The following PCDH11X variants were observed in gnomAD, a reference collection of about 807,000 sequenced individuals.
The protein encoded by PCDH11X is protocadherin-11 X-linked.
In PCDH11X, 18 loss-of-function variants were observed where a neutral mutation model predicts 53.3. That is an observed-to-expected ratio of 0.34 (90% confidence interval 0.23 to 0.50). The LOEUF (loss-of-function observed/expected upper bound fraction) is 0.50. Among genes scored for constraint, PCDH11X ranks in the 20% least tolerant of loss-of-function variants. The pLI is 0.98. For synonymous variants in PCDH11X, 279 were observed against 393.3 expected, an observed-to-expected ratio of 0.71 and a Z score of 3.44; for missense variants, 570 against 1,032.4, an observed-to-expected ratio of 0.55 and a Z score of 6.14.
At chrX:92,006,632 G>C (rs1366552193) in intron 6 of PCDH11X, among the ~76,000 whole-genome samples, 9 of 110,164 alleles carry the variant, frequency 8.2e-5, no homozygotes, top group African/African-American at 2.6e-4. Flanking sequence ...GAGTTCATTT[G>C]GTGAGGTCAT....
At chrX:91,880,387 G>A (rs1389413417) in intron 6 of PCDH11X, among the ~76,000 whole-genome samples, 1 of 110,954 alleles carries the variant, frequency 9.0e-6, no homozygotes, top group African/African-American at 3.3e-5. Context: ...CAAAATAGTA[G>A]CAATGTGAAA....
chrX:92,303,468 G>A (rs1358937084), intron 8 of PCDH11X, among the ~76,000 whole-genome samples: 1 of 111,131 alleles, frequency 9.0e-6, no homozygotes, highest in African/African-American at 3.3e-5. Context: ...TTCATGTAGG[G>A]TCCTAGAGAA....
intron 10 of PCDH11X, among the ~76,000 whole-genome samples, chrX:92,542,827 T>A (rs1207614020): frequency 9.0e-6 from 1 of 111,371 alleles, no homozygotes; most frequent in Non-Finnish European, 1.9e-5. Flanking sequence ...AGGTTTAATA[T>A]AAAGAATACA....
At position 92,046,366 on chromosome X, in the gene PCDH11X, TAGG is replaced by T. The variant is rs1176922255; in HGVS notation, c.3034-155006_3034-155004del. On this transcript the variant is annotated intron_variant, in intron 6 of 10. Coordinates refer to ENST00000682573, the MANE Select transcript of PCDH11X (RefSeq NM_032968.5). ...TTGGTAATAGACTGTCTATGAAAAA[TAGG>T]AGTATTATCACTGTGGCTTTAATAT... is the stretch of plus-strand genomic sequence containing the variant. Among the ~76,000 whole-genome samples, 10 of 111,449 alleles carry T rather than the reference TAGG, an allele frequency of 9.0e-5. No homozygotes were observed. The Admixed American group carries it at 9.6e-4, about 11-fold the overall frequency.
intron 6 of PCDH11X, among the ~76,000 whole-genome samples, chrX:92,110,686 G>T (rs2064484046): frequency 9.0e-6 from 1 of 111,221 alleles, no homozygotes; most frequent in East Asian, 2.9e-4. Flanking sequence ...CATGGCCATG[G>T]AGAAGTTTTT....
At chrX:92,351,642 G>T (rs2070053155) in intron 8 of PCDH11X, among the ~76,000 whole-genome samples, 1 of 111,451 alleles carries the variant, frequency 9.0e-6, no homozygotes, top group Admixed American at 9.6e-5. Flanking sequence ...ATTAAACACT[G>T]CATGTTTATT....
chrX:92,286,071 A>G (rs1319879690), intron 8 of PCDH11X, among the ~76,000 whole-genome samples: 1 of 111,414 alleles, frequency 9.0e-6, no homozygotes, highest in Non-Finnish European at 1.9e-5. Context: ...TCATTCCGGT[A>G]AACCCACAAC....
At chrX:92,156,207 C>T (rs1204522152) in intron 6 of PCDH11X, among the ~76,000 whole-genome samples, 1 of 107,300 alleles carries the variant, frequency 9.3e-6, no homozygotes, top group Non-Finnish European at 1.9e-5. Flanking sequence ...AACCTGCACC[C>T]GCTCCAGTTA....
chrX:91,887,138 A>G (rs1044111494), intron 6 of PCDH11X, among the ~76,000 whole-genome samples: 2 of 109,798 alleles, frequency 1.8e-5, no homozygotes, highest in African/African-American at 6.7e-5. Context: ...CTCACTGTTG[A>G]ATTCCATGTT....
intron 6 of PCDH11X, among the ~76,000 whole-genome samples, chrX:92,199,645 T>C (rs2066355822): frequency 9.0e-6 from 1 of 110,896 alleles, no homozygotes; most frequent in Non-Finnish European, 1.9e-5. Flanking sequence ...GATGATTTCC[T>C]GGTTCTTAGT....
At chrX:92,397,661 A>C (rs2071278807) in intron 9 of PCDH11X, among the ~76,000 whole-genome samples, 1 of 110,439 alleles carries the variant, frequency 9.1e-6, no homozygotes, top group African/African-American at 3.3e-5. Context: ...CAAGGAATTC[A>C]GGGATCTTTG....
intron 8 of PCDH11X, among the ~76,000 whole-genome samples, chrX:92,322,690 A>G (rs1417181832): frequency 9.0e-6 from 1 of 111,645 alleles, no homozygotes; most frequent in Non-Finnish European, 1.9e-5. Context: ...TTGCTATCAT[A>G]ATACTATTAT....
intron 10 of PCDH11X, among the ~76,000 whole-genome samples, chrX:92,578,215 T>G: frequency 1.1e-5 from 1 of 93,863 alleles, no homozygotes; most frequent in Non-Finnish European, 2.1e-5. Flanking sequence ...TATTGGGGGA[T>G]GGGGGGCTAG....
chrX:92,261,299 G>T (rs753796108), intron 7 of PCDH11X, among the ~76,000 whole-genome samples: 1 of 111,274 alleles, frequency 9.0e-6, no homozygotes, highest in African/African-American at 3.3e-5. Flanking sequence ...TTTCTCAATA[G>T]AAATTGTCAA....
intron 10 of PCDH11X, among the ~76,000 whole-genome samples, chrX:92,535,951 G>C (rs1354716130): frequency 9.3e-6 from 1 of 107,134 alleles, no homozygotes; most frequent in Non-Finnish European, 1.9e-5. Context: ...CTTTCAACTT[G>C]ATATTTGGTC....
chrX:92,340,855 T>G (rs892997197), intron 8 of PCDH11X, among the ~76,000 whole-genome samples: 2 of 112,116 alleles, frequency 1.8e-5, no homozygotes, highest in Non-Finnish European at 3.8e-5. Context: ...CTCCACCACC[T>G]GCTTGAATTC....
intron 6 of PCDH11X, among the ~76,000 whole-genome samples, chrX:92,102,127 A>T (rs767538481): frequency 2.7e-3 from 302 of 111,341 alleles, no homozygotes; most frequent in African/African-American, 9.5e-3. Context: ...GGGAGGCCAG[A>T]TTGAAGTCCC....
chrX:91,907,426 G>GAGAT (rs1941221994), intron 6 of PCDH11X, among the ~76,000 whole-genome samples: 1 of 97,759 alleles, frequency 1.0e-5, no homozygotes, highest in Non-Finnish European at 2.1e-5. Flanking sequence ...GAGAGAGAGA[G>GAGAT]AGAGAGAGAG....
chrX:92,216,199 G>C (rs1042734031), intron 7 of PCDH11X, among the ~76,000 whole-genome samples: 1 of 110,828 alleles, frequency 9.0e-6, no homozygotes, highest in Non-Finnish European at 1.9e-5. Context: ...AACAAAGCTG[G>C]ACAGAGAATG....
Sources: allele counts gnomAD v4.1 joint callset (sites outside exome capture counted in the v4.1 genomes callset), GRCh38; gene constraint gnomAD v4.1.1; transcripts MANE v1.5; gene names NCBI Gene and HGNC (gene_info 2026-07-23, HGNC 2026-07-21).